CBARP: variants seen among roughly 807,000 people sequenced by gnomAD.
The protein encoded by CBARP is voltage-dependent calcium channel beta subunit-associated regulatory protein.
Under a neutral mutation model 36.3 loss-of-function variants are expected in CBARP, and 24 were observed. That is an observed-to-expected ratio of 0.66 (90% confidence interval 0.48 to 0.93). The LOEUF (loss-of-function observed/expected upper bound fraction) is 0.93, where lower values mean the gene tolerates loss of function less well. CBARP is among the 40% of genes least tolerant of loss of function. The pLI, the probability that CBARP is intolerant of heterozygous loss-of-function variation, is 0.00. For missense variants in CBARP, 1,146 were observed against 980.4 expected (o/e 1.17, Z -2.26); for synonymous variants, 586 against 453.2 (o/e 1.29, Z -3.72).
chr19:1,233,124 C>A (rs1599945562), intron 8 of CBARP, among the ~76,000 whole-genome samples: 1 of 152,216 alleles, frequency 6.6e-6, no homozygotes, highest in Non-Finnish European at 1.5e-5. Flanking sequence ...CCCCCGACAC[C>A]CTCCTTTACC....
rs529829090 is a variant in CBARP, at chr19:1,234,470, G to C, written c.627+101C>G. 4.4e-5 allele frequency: 64 copies of C among 1,438,380 alleles called. No homozygotes were observed. In the East Asian group the frequency reaches 1.3e-3, roughly 29 times the overall value. 89.1% of individuals were successfully genotyped at this position (1,438,380 alleles called of 1,614,324 possible). A position where few individuals can be genotyped will look rare whatever the true frequency, so the allele number is the denominator to read the frequency against. ...CCCCACCCCGCCCATCCCGAGATGA[G>C]GGCCACCCAGAAAAAGAGTGGGTGA... On this transcript the variant is annotated intron_variant, in intron 6 of 9. Coordinates refer to ENST00000650044, the MANE Select transcript of CBARP (RefSeq NM_001393918.1).
At position 1,233,643 on chromosome 19, in the gene CBARP, G is replaced by A; in HGVS notation, c.769-7C>T. 2 of 1,605,682 alleles carry A rather than the reference G, an allele frequency of 1.2e-6. No individual in the cohort carries two copies. The highest frequency in any genetic ancestry group is 1.1e-5 in the South Asian group (1 of 90,192). On this transcript the variant is annotated splice_region_variant and splice_polypyrimidine_tract_variant and intron_variant, in intron 7 of 9. Coordinates refer to ENST00000650044, the MANE Select transcript of CBARP (RefSeq NM_001393918.1). ...TCCTGGTACCGGCATCCAACTGGCA[G>A]GGAACAGAGATGGCGCTCAGGCTAA... is the stretch of plus-strand genomic sequence containing the variant.
chr19:1,234,535 C>T (rs1386612843), intron 6 of CBARP, 36 bp downstream of exon 6: 2 of 1,564,438 alleles, frequency 1.3e-6, no homozygotes, highest in Admixed American at 1.9e-5. Flanking sequence ...TGCCTCCCGT[C>T]CCCCGAGGAA....
chr19:1,230,017 G>A lies in CBARP; in HGVS notation c.1280C>T (p.Pro427Leu), dbSNP rs766471059. The A allele has an allele frequency of 3.3e-5, 41 of 1,233,920 alleles. No homozygotes were observed. The African/African-American group carries it at 6.2e-4, about 19-fold the overall frequency. 76.4% of individuals were successfully genotyped at this position (1,233,920 alleles called of 1,614,324 possible). The change falls in exon 10 of 10, where the codon CCC (proline) becomes CTC (leucine). Residue 427 changes from proline to leucine, a missense_variant. By Grantham distance (98) the Pro-to-Leu change is moderately conservative. Coordinates refer to ENST00000650044, the MANE Select transcript of CBARP (RefSeq NM_001393918.1). Reference protein sequence around the residue: ...LEPDAERDAGPEQAQTSYRDL... With the variant: ...LEPDAERDAGLEQAQTSYRDL... ...GCGGTAGCTGGTCTGGGCCTGCTCG[G>A]GGCCCGCGTCCCGCTCGGCGTCCGG...
In CBARP at chr19:1,237,918, G is replaced by C. The variant is rs1179168289; in HGVS notation, c.-184C>G. 4.8e-5 allele frequency: 7 copies of C among 147,218 alleles called. 1 individual carries two copies. In the South Asian group the frequency reaches 1.4e-3, roughly 30 times the overall value. The allele number at this position is 147,218 out of a possible 1,614,324, so 9.1% of individuals were successfully genotyped here. A position where few individuals can be genotyped will look rare whatever the true frequency, so the allele number is the denominator to read the frequency against. On this transcript the variant is annotated 5_prime_UTR_variant, in exon 1 of 10. Transcript: ENST00000650044. The stretch of plus-strand genomic sequence containing the variant: ...CGGCGCGAGAGGAGGGGCCGCGCAC[G>C]TGACCGCGTTGGCGGCGCGCCCGCT...
chr19:1,235,082 G>A lies in CBARP; in HGVS notation c.374C>T (p.Thr125Ile), dbSNP rs1037379472. 3 of 1,610,034 alleles carry A rather than the reference G, an allele frequency of 1.9e-6. No individual in the cohort carries two copies. The highest frequency in any genetic ancestry group is 2.5e-6 in the Non-Finnish European group (3 of 1,178,700). The change falls in exon 5 of 10, where the codon ACC becomes ATC. Residue 125 changes from threonine (T) to isoleucine (I), a missense_variant. Coordinates refer to ENST00000650044, the MANE Select transcript of CBARP (RefSeq NM_001393918.1). ...GGAGACCCGGCGGCCCGTGGAGCTGGTGGACAGGAAGCGTTCGGTCTCCGC... is the reference window on the plus strand; with the variant it reads ...GGAGACCCGGCGGCCCGTGGAGCTGATGGACAGGAAGCGTTCGGTCTCCGC... ...QDAETERFLSTSSTGRRVSFN... is the reference protein window; with the variant it reads ...QDAETERFLSISSTGRRVSFN...
intron 9 of CBARP, chr19:1,230,569 T>C: frequency 8.9e-7 from 1 of 1,123,480 alleles, no homozygotes; most frequent in Non-Finnish European, 1.1e-6. Context: ...AGGAGGACAG[T>C]GCACAGACGT....
At chr19:1,231,654 C>A (rs1300459629) in intron 8 of CBARP, among the ~76,000 whole-genome samples, 2 of 148,458 alleles carry the variant, frequency 1.3e-5, no homozygotes, top group East Asian at 4.0e-4. Context: ...CTGTGGCCCC[C>A]ACACACACAC....
At position 1,229,671 on chromosome 19, in the gene CBARP, G is replaced by C; in HGVS notation, c.1626C>G (p.Ile542Met). ...GGAACAGCGCGTCCGTCTTCTCGTC[G>C]ATGCTGTAGTCGCGGCGCGGGCGGC... The part of the protein sequence containing the change: ...WPRRPRRDYS[I>M]DEKTDALFHE... The change falls in exon 10 of 10, where the codon ATC becomes ATG. Residue 542 changes from isoleucine to methionine, a missense_variant. Physicochemically the swap from Ile to Met is conservative, Grantham distance 10. Transcript: ENST00000650044. The surrounding 1 kb of genome is among the most constrained non-coding windows in gnomAD (Gnocchi z 5.1). 1 of 1,113,730 alleles carries C rather than the reference G, an allele frequency of 9.0e-7. No individual in the cohort carries two copies. The highest frequency in any genetic ancestry group is 1.7e-5 in the South Asian group (1 of 57,250). The allele number at this position is 1,113,730 out of a possible 1,614,324, so 69.0% of individuals were successfully genotyped here. A position where few individuals can be genotyped will look rare whatever the true frequency, so the allele number is the denominator to read the frequency against.
intron 1 of CBARP, among the ~76,000 whole-genome samples, chr19:1,236,542 G>T (rs1488816260): frequency 6.6e-6 from 1 of 151,916 alleles, no homozygotes; most frequent in Non-Finnish European, 1.5e-5. Context: ...GGGGGTGGGG[G>T]GCTACCCCCA....
intron 8 of CBARP, among the ~76,000 whole-genome samples, chr19:1,232,733 G>C (rs1314298880): frequency 6.6e-6 from 1 of 152,264 alleles, no homozygotes; most frequent in East Asian, 1.9e-4. Context: ...CGGAGCTTCG[G>C]TAAGTTTTAC....
chr19:1,236,239 G>A (rs2080971204), intron 1 of CBARP, 118 bp from the exon 2 acceptor site: 4 of 1,308,672 alleles, frequency 3.1e-6, no homozygotes, highest in South Asian at 2.2e-5. Flanking sequence ...AGTGACTCAT[G>A]GAGAGGTAGC....
chr19:1,230,440 C>T, intron 9 of CBARP: 1 of 991,666 alleles, frequency 1.0e-6, no homozygotes, highest in Non-Finnish European at 1.2e-6. Context: ...CCGGGAGTCA[C>T]GTTTTCCCAG....
chr19:1,235,889 G>T lies in CBARP; in HGVS notation c.135C>A (p.Tyr45Ter). 1 of 1,612,266 alleles carries T rather than the reference G, an allele frequency of 6.2e-7. No individual in the cohort carries two copies. The highest frequency in any genetic ancestry group is 8.5e-7 in the Non-Finnish European group (1 of 1,179,902). ...GCGACATCACCACCACCAGCAGCAC[G>T]TAGTTGTCCAGGATGGGGTCTGGCT... Reference protein sequence around the residue: ...TAEPDPILDNYVLLVVVMSLF... With the variant: ...TAEPDPILDN The change falls in exon 3 of 10, where the codon TAC becomes TAA. Residue 45 changes from tyrosine to a stop codon, truncating the protein, a stop_gained. Coordinates refer to ENST00000650044, the MANE Select transcript of CBARP (RefSeq NM_001393918.1). LOFTEE classifies it high-confidence loss of function.
intron 4 of CBARP, 153 bp downstream of exon 4, chr19:1,235,348 C>T (rs1335353396): frequency 1.2e-5 from 13 of 1,080,908 alleles, no homozygotes; most frequent in Non-Finnish European, 1.7e-5. Context: ...TACGCCTGGG[C>T]GTTAAGGAAA....
Position 1,228,798 on chromosome 19 carries a change from GGTGGCGGGCCCTGCGACTAAGCGGCCGC to G in CBARP, c.*353_*380del. 1 of 147,442 alleles carries G rather than the reference GGTGGCGGGCCCTGCGACTAAGCGGCCGC, an allele frequency of 6.8e-6. No homozygotes were observed. The highest frequency in any genetic ancestry group is 1.9e-4 in the East Asian group (1 of 5,130). The allele number at this position is 147,442 out of a possible 1,614,324, so 9.1% of individuals were successfully genotyped here. ...GGCCCAGTGGGCTGCGCGACCCTCG[GGTGGCGGGCCCTGCGACTAAGCGGCCGC>G]CCCGTCCGGGACTGAGGGCGAGTGA... On this transcript the variant is annotated 3_prime_UTR_variant, in exon 10 of 10. Transcript: ENST00000650044.
At chr19:1,234,937 C>T (rs1402210386) in intron 5 of CBARP, 64 bp downstream of exon 5, 18 of 1,550,666 alleles carry the variant, frequency 1.2e-5, no homozygotes, top group Non-Finnish European at 1.4e-5. Context: ...CCAGCTCCTC[C>T]CCCGTCCCGG....
chr19:1,230,938 G>C (rs1170928176), intron 9 of CBARP, 163 bp downstream of exon 9: 7 of 1,582,422 alleles, frequency 4.4e-6, no homozygotes, highest in Non-Finnish European at 6.0e-6. Context: ...ATGCTGGAGA[G>C]GTGGCCCCAG....
Position 1,229,392 on chromosome 19 carries a change from G to A in CBARP, c.1905C>T (p.Gly635=), listed in dbSNP as rs1222559705. Residue 635 remains glycine, a synonymous_variant, in exon 10 of 10, where the codon GGC becomes GGT. Coordinates refer to ENST00000650044, the MANE Select transcript of CBARP (RefSeq NM_001393918.1). The surrounding 1 kb of genome is among the most constrained non-coding windows in gnomAD (Gnocchi z 5.1). ...PPDGRTLGGA[G]DDPAIPVIEE... ...CGATGACGGGGATGGCGGGGTCGTC[G>A]CCGGCGCCGCCCAGGGTGCGACCGT... 4.5e-6 allele frequency: 5 copies of A among 1,115,106 alleles called. No individual in the cohort carries two copies. The highest frequency in any genetic ancestry group is 1.7e-5 in the South Asian group (1 of 57,754). The allele number at this position is 1,115,106 out of a possible 1,614,324, so 69.1% of individuals were successfully genotyped here. A position where few individuals can be genotyped will look rare whatever the true frequency, so the allele number is the denominator to read the frequency against.
Sources: gnomAD v4.1 joint callset for allele counts (sites outside exome capture counted in the v4.1 genomes callset) on GRCh38, gnomAD v4.1.1 for gene constraint, Gnocchi (gnomAD v3.1) non-coding constraint, MANE v1.5 for transcripts, NCBI Gene and HGNC (gene_info 2026-07-23, HGNC 2026-07-21) for gene names.